The following SLC6A7 variants were observed in gnomAD, a reference collection of about 807,000 sequenced individuals.
SLC6A7 encodes the protein sodium-dependent proline transporter.
Under a neutral mutation model 73.1 loss-of-function variants are expected in SLC6A7, and 58 were observed. The ratio of observed to expected loss-of-function variants is 0.79; its 90% CI spans 0.64 to 0.99. The LOEUF is 0.99. Among genes scored for constraint, SLC6A7 ranks in the 50% least tolerant of loss-of-function variants. SLC6A7 has a pLI of 0.00. For missense variants in SLC6A7, 783 were observed against 831.4 expected (o/e 0.94, Z 0.72); for synonymous variants, 338 against 338.7 (o/e 1.00, Z 0.02).
At chr5:150,192,677 G>A (rs958530373) in intron 1 of SLC6A7, among the ~76,000 whole-genome samples, 1 of 152,172 alleles carries the variant, frequency 6.6e-6, no homozygotes, top group African/African-American at 2.4e-5. Flanking sequence ...CTCTGATTGG[G>A]GGAGGAGGGG....
rs189880816 is a variant in SLC6A7, at chr5:150,199,385, C to T, written c.723+19C>T. The stretch of plus-strand genomic sequence containing the variant: ...GGGCAAGGTGAAGCCTGGGAGGCCC[C>T]GGAGGCCTGAGGGGCTGGATGGGGT... On this transcript the variant is annotated intron_variant, in intron 5 of 13. Coordinates refer to ENST00000230671, the MANE Select transcript of SLC6A7 (RefSeq NM_014228.5). 480 of 1,599,176 alleles carry T rather than the reference C, an allele frequency of 3.0e-4. 1 individual carries two copies. In the African/African-American group the frequency reaches 5.2e-3, roughly 17 times the overall value.
chr5:150,190,685 T>A (rs1295181162), intron 1 of SLC6A7, among the ~76,000 whole-genome samples: 1 of 152,144 alleles, frequency 6.6e-6, no homozygotes, highest in African/African-American at 2.4e-5. Flanking sequence ...AATTCCACCC[T>A]GCTGCTCCCC....
intron 13 of SLC6A7, among the ~76,000 whole-genome samples, chr5:150,208,027 A>G (rs1475488718): frequency 6.6e-6 from 1 of 151,944 alleles, no homozygotes; most frequent in Non-Finnish European, 1.5e-5. Flanking sequence ...GACAGCCCCC[A>G]TAACACAGAA....
chr5:150,207,142 T>A (rs556272150), intron 13 of SLC6A7, among the ~76,000 whole-genome samples: 6 of 152,208 alleles, frequency 3.9e-5, no homozygotes, highest in African/African-American at 1.2e-4. Flanking sequence ...TCTTTATTTT[T>A]ATTTTATTTT....
intron 4 of SLC6A7, 134 bp from the exon 5 acceptor site, chr5:150,199,094 A>T: frequency 8.2e-7 from 1 of 1,226,132 alleles, no homozygotes; most frequent in South Asian, 2.1e-5. Flanking sequence ...TTGGTCGGAG[A>T]AGGATGGAGA....
At chr5:150,201,009 A>C in intron 5 of SLC6A7, 80 bp from the exon 6 acceptor site, 1 of 1,500,514 alleles carries the variant, frequency 6.7e-7, no homozygotes, top group East Asian at 2.3e-5. Context: ...TGGGGAGGCA[A>C]GTGACACAGA....
chr5:150,202,336 T>C lies in SLC6A7; in HGVS notation c.859-11T>C. On this transcript the variant is annotated splice_polypyrimidine_tract_variant and intron_variant, in intron 6 of 13. Transcript: ENST00000230671. ...TCCGCACACCCTCCCTTTCCATCCT[T>C]CCCGGCACAGGTGTGGATTGAAGCT... 1 of 1,599,004 alleles carries C rather than the reference T, an allele frequency of 6.3e-7. No homozygotes were observed. The highest frequency in any genetic ancestry group is 8.6e-7 in the Non-Finnish European group (1 of 1,166,320).
chr5:150,197,444 C>T (rs761182633), intron 4 of SLC6A7, among the ~76,000 whole-genome samples, 168 bp downstream of exon 4: 4 of 152,228 alleles, frequency 2.6e-5, no homozygotes, highest in Non-Finnish European at 5.9e-5. Flanking sequence ...AGCTGTGTGG[C>T]CTCAAACAAT....
At position 150,196,627 on chromosome 5, in the gene SLC6A7, A is replaced by C. The variant is rs1307236649; in HGVS notation, c.218-89A>C. The C allele has an allele frequency of 3.1e-6, 4 of 1,278,230 alleles. No individual in the cohort carries two copies. In the East Asian group the frequency reaches 7.0e-5, roughly 22 times the overall value. The allele number at this position is 1,278,230 out of a possible 1,614,324, so 79.2% of individuals were successfully genotyped here. On this transcript the variant is annotated intron_variant, in intron 2 of 13. Coordinates refer to ENST00000230671, the MANE Select transcript of SLC6A7 (RefSeq NM_014228.5). The stretch of plus-strand genomic sequence containing the variant: ...AGTGTTCCATCAGGTCTGAGGGGGC[A>C]TCTGCAGGCCAGGGGAGGGGCGGGG...
At chr5:150,193,443 A>G (rs1207232457) in intron 1 of SLC6A7, among the ~76,000 whole-genome samples, 1 of 152,018 alleles carries the variant, frequency 6.6e-6, no homozygotes, top group East Asian at 1.9e-4. Flanking sequence ...CACAAAATTC[A>G]CCCAGCCCTC....
At chr5:150,205,712 C>T (rs1378771972) in intron 13 of SLC6A7, 89 bp downstream of exon 13, 2 of 1,154,146 alleles carry the variant, frequency 1.7e-6, no homozygotes, top group Non-Finnish European at 2.5e-6. Context: ...CATATGCACC[C>T]ACCCCTTATC....
In SLC6A7 at chr5:150,203,899, C is replaced by G. The variant is rs770539568; in HGVS notation, c.1201-8C>G. On this transcript the variant is annotated splice_polypyrimidine_tract_variant and splice_region_variant and intron_variant, in intron 9 of 13. Transcript: ENST00000230671. ...AATTCTGACCCCCAGCCCCTCCTCT[C>G]TCCTCAGTTTGCTTTTCTGGAGACC... The G allele has an allele frequency of 3.7e-6, 6 of 1,613,150 alleles. No homozygotes were observed. Among genetic ancestry groups the G allele is most frequent in the Non-Finnish European group, 5.1e-6 (6 of 1,179,636 alleles).
chr5:150,194,378 GA>G, intron 1 of SLC6A7, among the ~76,000 whole-genome samples: 1 of 151,220 alleles, frequency 6.6e-6, no homozygotes, highest in Non-Finnish European at 1.5e-5. Flanking sequence ...GCGGTGTGCT[GA>G]GGTTGTACCA....
chr5:150,196,727 G>A lies in SLC6A7; in HGVS notation c.229G>A (p.Val77Met), dbSNP rs747570170. Residue 77 changes from valine to methionine, a missense_variant, in exon 3 of 14, where the codon GTG (valine) becomes ATG (methionine). By Grantham distance (21) the Val-to-Met change is conservative. Coordinates refer to ENST00000230671, the MANE Select transcript of SLC6A7 (RefSeq NM_014228.5). ...CCCGCTCCCGGCAGGCGCCTTCCTC[G>A]TGCCCTACTTCCTCATGCTGGCCAT... The part of the protein sequence containing the change: ...AYTNGGGAFL[V>M]PYFLMLAICG... 8.1e-6 allele frequency: 13 copies of A among 1,613,446 alleles called. No individual in the cohort carries two copies. The highest frequency in any genetic ancestry group is 4.0e-5 in the African/African-American group (3 of 74,938).
chr5:150,191,499 C>T (rs980622400), intron 1 of SLC6A7, among the ~76,000 whole-genome samples: 8 of 150,348 alleles, frequency 5.3e-5, no homozygotes, highest in Non-Finnish European at 7.4e-5. Context: ...GGTGTGATCT[C>T]GGCTCACTGC....
rs776085294 is a variant in SLC6A7 at position 150,203,792 on chromosome 5, T to C, written c.1200+13T>C. The C allele has an allele frequency of 1.3e-6, 2 of 1,557,034 alleles. No individual in the cohort carries two copies. The highest frequency in any genetic ancestry group is 2.7e-5 in the African/African-American group (2 of 72,916). ...CCTAGATAGCCAGGTGAGTCTCGTC[T>C]GTGGCAGCAGGCACCCCGTGTGTGT... On this transcript the variant is annotated intron_variant, in intron 9 of 13. Transcript: ENST00000230671.
rs945596736 is a variant in SLC6A7, at chr5:150,204,049, C to T, written c.1332+11C>T. On this transcript the variant is annotated intron_variant, in intron 10 of 13. Transcript: ENST00000230671. Reference sequence around the variant, plus strand: ...ATCCTCACCACTGATGTGAGTGGCGCTACAGGGAGGATGGCAGGTGGGCGG... The same window carrying T: ...ATCCTCACCACTGATGTGAGTGGCGTTACAGGGAGGATGGCAGGTGGGCGG... 14 of 1,610,936 alleles carry T rather than the reference C, an allele frequency of 8.7e-6. No homozygotes were observed. The highest frequency in any genetic ancestry group is 6.7e-5 in the African/African-American group (5 of 74,828).
At chr5:150,197,758 T>C (rs1753109430) in intron 4 of SLC6A7, among the ~76,000 whole-genome samples, 1 of 152,176 alleles carries the variant, frequency 6.6e-6, no homozygotes, top group Non-Finnish European at 1.5e-5. Context: ...AAATATTTAT[T>C]GAGCAACTGC....
intron 1 of SLC6A7, among the ~76,000 whole-genome samples, chr5:150,193,192 C>A (rs1012606626): frequency 6.6e-6 from 1 of 152,222 alleles, no homozygotes; most frequent in East Asian, 1.9e-4. Context: ...GTCACCACGG[C>A]CCCTGTGGCC....
Sources: allele counts gnomAD v4.1 joint callset (sites outside exome capture counted in the v4.1 genomes callset), GRCh38; gene constraint gnomAD v4.1.1; transcripts MANE v1.5; gene names NCBI Gene and HGNC (gene_info 2026-07-23, HGNC 2026-07-21).